Variants in LOC128125817 observed in about 807,000 individuals in gnomAD.
the LOC128125817 span, among the ~76,000 whole-genome samples, chr1:41,607,461 C>T: frequency 6.6e-6 from 1 of 152,178 alleles, no homozygotes; most frequent in South Asian, 2.1e-4. Context: ...GCAACCTGCT[C>T]CTCTGATATT....
chr1:41,590,860 C>G, the LOC128125817 span, among the ~76,000 whole-genome samples: 1 of 152,150 alleles, frequency 6.6e-6, no homozygotes, highest in African/African-American at 2.4e-5. Context: ...CACAGCGACT[C>G]CCAAGGTAGC....
chr1:41,609,270 G>C, the LOC128125817 span, among the ~76,000 whole-genome samples: 1 of 152,212 alleles, frequency 6.6e-6, no homozygotes. Flanking sequence ...TCTGCCCTTA[G>C]GGGGAACACT....
At chr1:41,623,759 G>A in the LOC128125817 span, among the ~76,000 whole-genome samples, 4 of 152,170 alleles carry the variant, frequency 2.6e-5, no homozygotes, top group African/African-American at 9.7e-5. Flanking sequence ...TCACAAACAC[G>A]GCCCATGCTC....
At chr1:41,593,562 CTTGAAGCT>C in the LOC128125817 span, among the ~76,000 whole-genome samples, 10 of 152,196 alleles carry the variant, frequency 6.6e-5, no homozygotes, top group African/African-American at 2.4e-4. Flanking sequence ...GGGGATACAC[CTTGAAGCT>C]TTTCATGGGG....
chr1:41,586,131 G>A, the LOC128125817 span, among the ~76,000 whole-genome samples: 2 of 152,298 alleles, frequency 1.3e-5, no homozygotes, highest in African/African-American at 4.8e-5. Flanking sequence ...TGTCCAGTCA[G>A]TGCCCTGGGG....
chr1:41,596,010 G>T, the LOC128125817 span, among the ~76,000 whole-genome samples: 4 of 151,884 alleles, frequency 2.6e-5, no homozygotes, highest in Non-Finnish European at 5.9e-5. Flanking sequence ...CTAATACAAG[G>T]TTCAATGTAC....
the LOC128125817 span, among the ~76,000 whole-genome samples, chr1:41,586,025 A>T: frequency 1.3e-5 from 2 of 152,168 alleles, no homozygotes; most frequent in African/African-American, 4.8e-5. Context: ...AGCCTGTGAG[A>T]ACTTACAATC....
chr1:41,620,874 G>A, the LOC128125817 span, among the ~76,000 whole-genome samples: 1 of 152,208 alleles, frequency 6.6e-6, no homozygotes, highest in South Asian at 2.1e-4. Flanking sequence ...CTGTGCACCA[G>A]GCAGTGCTGG....
chr1:41,625,162 C>CAAAAAAAAAAAAA, the LOC128125817 span, among the ~76,000 whole-genome samples: 1 of 71,230 alleles, frequency 1.4e-5, no homozygotes. Flanking sequence ...GATTCCAACT[C>CAAAAAAAAAAAAA]AAAAAAAAAA....
At chr1:41,602,537 T>C in the LOC128125817 span, among the ~76,000 whole-genome samples, 6 of 152,158 alleles carry the variant, frequency 3.9e-5, no homozygotes, top group Admixed American at 3.9e-4. Context: ...GAATTGTTCA[T>C]AGTAGTCTCT....
chr1:41,588,554 C>T, the LOC128125817 span, among the ~76,000 whole-genome samples: 1 of 151,914 alleles, frequency 6.6e-6, no homozygotes, highest in African/African-American at 2.4e-5. Flanking sequence ...AGGAGACAGT[C>T]AGATGACTGC....
At chr1:41,601,783 T>A in the LOC128125817 span, among the ~76,000 whole-genome samples, 1 of 152,198 alleles carries the variant, frequency 6.6e-6, no homozygotes, top group African/African-American at 2.4e-5. Context: ...TGAATAGAAA[T>A]GGCAAGCAAG....
At chr1:41,604,557 T>C in the LOC128125817 span, among the ~76,000 whole-genome samples, 1 of 152,212 alleles carries the variant, frequency 6.6e-6, no homozygotes, top group African/African-American at 2.4e-5. Context: ...ATAAAAGTGC[T>C]TGCTGAGGAG....
chr1:41,591,873 A>G, the LOC128125817 span, among the ~76,000 whole-genome samples: 1 of 152,130 alleles, frequency 6.6e-6, no homozygotes, highest in Non-Finnish European at 1.5e-5. Flanking sequence ...CTCCCAGAGA[A>G]GAGGCATGAC....
At chr1:41,615,755 A>G in the LOC128125817 span, among the ~76,000 whole-genome samples, 1 of 148,084 alleles carries the variant, frequency 6.8e-6, no homozygotes, top group Non-Finnish European at 1.5e-5. Flanking sequence ...TCCTGGGAGC[A>G]CAGGAGAAAG....
the LOC128125817 span, among the ~76,000 whole-genome samples, chr1:41,620,248 G>A: frequency 3.3e-5 from 5 of 152,152 alleles, no homozygotes; most frequent in African/African-American, 1.2e-4. Context: ...CTGCAGCTAC[G>A]CTGGCCAGGA....
At chr1:41,609,405 G>A in the LOC128125817 span, among the ~76,000 whole-genome samples, 9 of 152,254 alleles carry the variant, frequency 5.9e-5, no homozygotes, top group South Asian at 2.1e-4. Context: ...TCAATGACCC[G>A]ACTGCCTAAG....
At chr1:41,589,018 AC>A in the LOC128125817 span, among the ~76,000 whole-genome samples, 1 of 152,158 alleles carries the variant, frequency 6.6e-6, no homozygotes, top group Non-Finnish European at 1.5e-5. Flanking sequence ...AAACCGAAGG[AC>A]CGTTCTAATG....
At chr1:41,628,633 G>T in the LOC128125817 span, 1 of 851,018 alleles carries the variant, frequency 1.2e-6, no homozygotes, top group Non-Finnish European at 1.6e-6. Flanking sequence ...GAAAGGCAAC[G>T]ATAACACTAA....
Sources: gnomAD v4.1 joint callset for allele counts (sites outside exome capture counted in the v4.1 genomes callset) on GRCh38, gnomAD v4.1.1 for gene constraint, MANE v1.5 for transcripts.